OR9K2: variants seen among roughly 807,000 people sequenced by gnomAD.
OR9K2 encodes the protein olfactory receptor 9K2.
A neutral mutation model predicts 12.4 loss-of-function variants in OR9K2; 16 were observed. That is an observed-to-expected ratio of 1.29 (90% CI 0.87 to 1.95). The LOEUF is 1.95. OR9K2 is among the 30% of genes most tolerant of loss of function. The pLI is 0.00. For synonymous variants in OR9K2, 133 were observed against 133.2 expected, an observed-to-expected ratio of 1.00 and a Z score of 0.01; for missense variants, 434 against 376.5, an observed-to-expected ratio of 1.15 and a Z score of -1.26.
chr12:55,130,823 C>A lies in OR9K2; in HGVS notation c.*47C>A, dbSNP rs1421482556. 1 of 1,039,132 alleles carries A rather than the reference C, an allele frequency of 9.6e-7. No homozygotes were observed. Among genetic ancestry groups the A allele is most frequent in the Non-Finnish European group, 1.4e-6 (1 of 713,170 alleles). The allele number at this position is 1,039,132 out of a possible 1,614,324, so 64.4% of individuals were successfully genotyped here. A position where few individuals can be genotyped will look rare whatever the true frequency, so the allele number is the denominator to read the frequency against. ...TTTTATTGTGGCTATTTATTTAATA[C>A]ACCTGTGTTCATTAATAAAAGTTAC... On this transcript the variant is annotated 3_prime_UTR_variant, in exon 3 of 3. Transcript: ENST00000641329.
intron 2 of OR9K2, among the ~76,000 whole-genome samples, chr12:55,129,094 C>T (rs948644425): frequency 2.6e-5 from 4 of 152,138 alleles, no homozygotes; most frequent in Non-Finnish European, 4.4e-5. Context: ...CGTGCACTTG[C>T]ACCCCTGAAC....
At chr12:55,128,217 A>G (rs1953442043) in intron 2 of OR9K2, among the ~76,000 whole-genome samples, 1 of 151,852 alleles carries the variant, frequency 6.6e-6, no homozygotes, top group Admixed American at 6.6e-5. Context: ...AATAATTAAT[A>G]TGTAACCTCA....
Position 55,130,584 on chromosome 12 carries a change from T to G in OR9K2, c.750T>G (p.Val250=). ...AFSTCSSHLG[V]VSVLYGAVFF... ...CCACCTGCAGCTCTCACCTGGGAGT[T>G]GTGAGTGTGCTGTATGGTGCTGTCT... Residue 250 remains valine, a synonymous_variant, in exon 3 of 3, where the codon GTT becomes GTG. Coordinates refer to ENST00000641329, the MANE Select transcript of OR9K2 (RefSeq NM_001005243.2). 1 of 1,613,840 alleles carries G rather than the reference T, an allele frequency of 6.2e-7. No individual in the cohort carries two copies. Among genetic ancestry groups the G allele is most frequent in the Non-Finnish European group, 8.5e-7 (1 of 1,179,826 alleles).
At chr12:55,129,377 C>T (rs1483136701) in intron 2 of OR9K2, among the ~76,000 whole-genome samples, 3 of 151,754 alleles carry the variant, frequency 2.0e-5, no homozygotes, top group African/African-American at 7.3e-5. Context: ...CAAATTAAGT[C>T]TCTGTTTTCC....
chr12:55,132,135 G>A lies in OR9K2; in HGVS notation c.*1359G>A, dbSNP rs1953478966. ...AAAACCTACAGTGAACATTTTAAAT[G>A]ACAAGAAACTAGAAGCTTTCCTACT... On this transcript the variant is annotated 3_prime_UTR_variant, in exon 3 of 3. Coordinates refer to ENST00000641329, the MANE Select transcript of OR9K2 (RefSeq NM_001005243.2). The A allele has an allele frequency of 6.6e-6, 1 of 152,134 alleles. No individual in the cohort carries two copies. Among genetic ancestry groups the A allele is most frequent in the African/African-American group, 2.4e-5 (1 of 41,440 alleles). 9.4% of individuals were successfully genotyped at this position (152,134 alleles called of 1,614,324 possible).
chr12:55,132,644 G>A lies in OR9K2; in HGVS notation c.*1868G>A, dbSNP rs941459628. ...AACCCAGTGTGTGGTGTTTTGTTAT[G>A]GGATCTCCAGCAAATTCATACAAAT... is the stretch of plus-strand genomic sequence containing the variant. On this transcript the variant is annotated 3_prime_UTR_variant, in exon 3 of 3. Transcript: ENST00000641329. The A allele has an allele frequency of 6.6e-6, 1 of 152,142 alleles. No individual in the cohort carries two copies. Among genetic ancestry groups the A allele is most frequent in the Non-Finnish European group, 1.5e-5 (1 of 68,024 alleles). 9.4% of individuals were successfully genotyped at this position (152,142 alleles called of 1,614,324 possible). A position where few individuals can be genotyped will look rare whatever the true frequency, so the allele number is the denominator to read the frequency against.
In OR9K2 at chr12:55,130,341, AT is replaced by A. The variant is rs1275326229; in HGVS notation, c.508del (p.Ser170LeufsTer31). The A allele has an allele frequency of 6.2e-7, 1 of 1,613,592 alleles. No homozygotes were observed. The highest frequency in any genetic ancestry group is 8.5e-7 in the Non-Finnish European group (1 of 1,179,852). ...TTCAGACTAGCATGACATTTACTTT[AT>A]CTTTTTGCGCTTCTCGGGCTGTTGA... ...VIQTSMTFTLSFCASRAVDHF... is the reference protein window; with the variant it reads ...VIQTSMTFTLXFCASRAVDHF... On this transcript the variant is annotated frameshift_variant, in exon 3 of 3. Transcript: ENST00000641329. LOFTEE classifies it high-confidence loss of function.
chr12:55,129,040 C>CA (rs1481213508), intron 2 of OR9K2, among the ~76,000 whole-genome samples: 1 of 152,098 alleles, frequency 6.6e-6, no homozygotes, highest in Non-Finnish European at 1.5e-5. Flanking sequence ...ATTAAATGAT[C>CA]TGTACAGCAA....
intron 2 of OR9K2, among the ~76,000 whole-genome samples, chr12:55,128,756 G>A (rs1355340702): frequency 6.6e-6 from 1 of 152,068 alleles, no homozygotes; most frequent in East Asian, 1.9e-4. Context: ...TATTTGAGCA[G>A]TAATGAGTTA....
In OR9K2 at chr12:55,130,622, T is replaced by G. The variant is rs201774903; in HGVS notation, c.788T>G (p.Leu263Arg). 6.0e-5 allele frequency: 97 copies of G among 1,614,002 alleles called. 2 individuals are homozygous for G. In the Admixed American group the frequency reaches 1.6e-3, roughly 27 times the overall value. Residue 263 changes from leucine (L) to arginine (R), a missense_variant, in exon 3 of 3, where the codon CTC (leucine) becomes CGC (arginine). Leu to Arg is a moderately radical substitution (Grantham distance 102). Transcript: ENST00000641329. ...TATGGTGCTGTCTTTTTTATGTATC[T>G]CACTCCTGACAGATTTCCTGAGCTG... Reference protein sequence around the residue: ...VLYGAVFFMYLTPDRFPELSK... With the variant: ...VLYGAVFFMYRTPDRFPELSK...
intron 2 of OR9K2, among the ~76,000 whole-genome samples, chr12:55,127,319 T>C (rs574762776): frequency 4.6e-5 from 7 of 151,818 alleles, no homozygotes; most frequent in Non-Finnish European, 8.8e-5. Flanking sequence ...TAGAAATAAA[T>C]CTTAGAAATT....
In OR9K2 at chr12:55,130,550, A is replaced by G. The variant is rs1953465581; in HGVS notation, c.716A>G (p.Lys239Arg). 1 of 1,613,720 alleles carries G rather than the reference A, an allele frequency of 6.2e-7. No individual in the cohort carries two copies. The highest frequency in any genetic ancestry group is 1.7e-5 in the Admixed American group (1 of 59,946). ...ATACATTCTACTGAGGGACATAAGA[A>G]GGCCTTCTCCACCTGCAGCTCTCAC... is the stretch of plus-strand genomic sequence containing the variant. ...LKIHSTEGHK[K>R]AFSTCSSHLG... Residue 239 changes from lysine (K) to arginine (R), a missense_variant, in exon 3 of 3, where the codon AAG becomes AGG. Transcript: ENST00000641329.
chr12:55,128,731 C>T (rs1023434890), intron 2 of OR9K2, among the ~76,000 whole-genome samples: 3 of 151,764 alleles, frequency 2.0e-5, no homozygotes, highest in East Asian at 1.9e-4. Flanking sequence ...TGTTAACATA[C>T]GAAGTTAAAA....
At chr12:55,126,593 C>T (rs377358006) in intron 1 of OR9K2, 77 bp downstream of exon 1, 1 of 152,028 alleles carries the variant, frequency 6.6e-6, no homozygotes, top group African/African-American at 2.4e-5. Context: ...AAAAATTCAC[C>T]TTGACTCTCT....
At position 55,130,661 on chromosome 12, in the gene OR9K2, C is replaced by G; in HGVS notation, c.827C>G (p.Ser276Cys). Residue 276 changes from serine (S) to cysteine (C), a missense_variant, in exon 3 of 3, where the codon TCC (serine) becomes TGC (cysteine). Physicochemically the swap from Ser to Cys is moderately radical, Grantham distance 112. Coordinates refer to ENST00000641329, the MANE Select transcript of OR9K2 (RefSeq NM_001005243.2). The part of the protein sequence containing the change: ...DRFPELSKVA[S>C]LCYSLVTPML... Reference sequence around the variant, plus strand: ...TTTCCTGAGCTGAGTAAAGTGGCATCCTTATGTTACTCCCTAGTCACTCCC... The same window carrying G: ...TTTCCTGAGCTGAGTAAAGTGGCATGCTTATGTTACTCCCTAGTCACTCCC... The G allele has an allele frequency of 6.2e-7, 1 of 1,613,094 alleles. No homozygotes were observed. Among genetic ancestry groups the G allele is most frequent in the Non-Finnish European group, 8.5e-7 (1 of 1,179,160 alleles).
At position 55,130,064 on chromosome 12, in the gene OR9K2, C is replaced by T; in HGVS notation, c.230C>T (p.Ser77Leu). 1 of 1,612,472 alleles carries T rather than the reference C, an allele frequency of 6.2e-7. No homozygotes were observed. Among genetic ancestry groups the T allele is most frequent in the South Asian group, 1.1e-5 (1 of 91,082 alleles). Residue 77 changes from serine (S) to leucine (L), a missense_variant, in exon 3 of 3, where the codon TCA becomes TTA. Ser to Leu is a moderately radical substitution (Grantham distance 145). Coordinates refer to ENST00000641329, the MANE Select transcript of OR9K2 (RefSeq NM_001005243.2). ...GNLSFIDLFY[S>L]SVIEPKAMIN... is the part of the protein sequence containing the mutation. The stretch of plus-strand genomic sequence containing the variant: ...CTCTCCTTCATTGATCTTTTCTATT[C>T]ATCTGTTATTGAACCCAAGGCTATG...
chr12:55,127,729 T>C (rs1357622088), intron 2 of OR9K2, among the ~76,000 whole-genome samples: 2 of 152,058 alleles, frequency 1.3e-5, no homozygotes, highest in African/African-American at 4.8e-5. Context: ...TATATATTAT[T>C]GGTTTTCAAC....
At chr12:55,129,779 C>T in intron 2 of OR9K2, 47 bp from the exon 3 acceptor site, 16 of 1,599,778 alleles carry the variant, frequency 1.0e-5, no homozygotes, top group East Asian at 2.2e-5. Flanking sequence ...ATGCTAGGAT[C>T]CAAACCAAGA....
At chr12:55,128,849 C>T (rs982399270) in intron 2 of OR9K2, among the ~76,000 whole-genome samples, 1 of 152,020 alleles carries the variant, frequency 6.6e-6, no homozygotes, top group African/African-American at 2.4e-5. Context: ...AGTATTAATT[C>T]CTAAAGTAAC....
Sources: allele counts gnomAD v4.1 joint callset (sites outside exome capture counted in the v4.1 genomes callset), GRCh38; gene constraint gnomAD v4.1.1; transcripts MANE v1.5; gene names NCBI Gene and HGNC (gene_info 2026-07-23, HGNC 2026-07-21).